Variants in PARD3 observed in about 807,000 individuals in gnomAD.
PARD3 encodes the protein par-3 family cell polarity regulator.
PARD3 carries 75 observed loss-of-function variants against 155.4 expected under a neutral mutation model. The observed-to-expected ratio is 0.48, with a 90% CI of 0.40 to 0.58. The LOEUF (loss-of-function observed/expected upper bound fraction) is 0.58, where lower values mean the gene tolerates loss of function less well. PARD3 is among the 20% of genes least tolerant of loss of function. The pLI is 0.00. For synonymous variants in PARD3, 576 were observed against 610.5 expected (o/e 0.94, Z 0.83); for missense variants, 1,642 against 1,721.7 (o/e 0.95, Z 0.82).
At chr10:34,482,889 C>T (rs373666993) in intron 3 of PARD3, among the ~76,000 whole-genome samples, 8 of 152,054 alleles carry the variant, frequency 5.3e-5, no homozygotes, top group Admixed American at 5.2e-4. Flanking sequence ...TGGCTCACGC[C>T]TGTAATCCCA....
chr10:34,587,306 A>C (rs963546715), intron 2 of PARD3, among the ~76,000 whole-genome samples: 1 of 152,104 alleles, frequency 6.6e-6, no homozygotes, highest in African/African-American at 2.4e-5. Flanking sequence ...TATTTTTAGT[A>C]GAGATGGGGT....
At chr10:34,560,337 C>T (rs2085363537) in intron 2 of PARD3, among the ~76,000 whole-genome samples, 2 of 151,934 alleles carry the variant, frequency 1.3e-5, no homozygotes, top group Admixed American at 6.6e-5. Flanking sequence ...TTCAGAACAC[C>T]GCCGTGCAGA....
At position 34,367,968 on chromosome 10, in the gene PARD3, T is replaced by C. The variant is rs555489034; in HGVS notation, c.1707+4530A>G. On this transcript the variant is annotated intron_variant, in intron 12 of 24. Coordinates refer to ENST00000374788, the MANE Select transcript of PARD3 (RefSeq NM_001184785.2). ...ATTTTGAATTCTTGAAAGTTAAGCA[T>C]GTGGCTGGGCGCAGTGGCTCAAACC... Among the ~76,000 whole-genome samples, 498 of 152,172 alleles carry C rather than the reference T, an allele frequency of 3.3e-3. 1 individual carries two copies. Among genetic ancestry groups the C allele is most frequent in the Middle Eastern group, 6.8e-3 (2 of 294 alleles).
intron 2 of PARD3, among the ~76,000 whole-genome samples, chr10:34,686,752 G>GA (rs982475215): frequency 2.3e-4 from 32 of 138,252 alleles, no homozygotes; most frequent in South Asian, 7.0e-4. Context: ...AAAAAGAAAA[G>GA]AAAAAAAAAA....
chr10:34,504,931 T>G (rs1031439563), intron 3 of PARD3, among the ~76,000 whole-genome samples: 1 of 152,222 alleles, frequency 6.6e-6, no homozygotes, highest in Non-Finnish European at 1.5e-5. Context: ...GAATTGTATC[T>G]GCCAGGCTTT....
intron 12 of PARD3, among the ~76,000 whole-genome samples, chr10:34,361,055 A>C (rs1244300847): frequency 6.6e-6 from 1 of 152,250 alleles, no homozygotes; most frequent in African/African-American, 2.4e-5. Flanking sequence ...TTAAGATGAC[A>C]GCCTATCATT....
rs771669681 is a variant in PARD3 at position 34,516,959 on chromosome 10, A to G, written c.403+20T>C. On this transcript the variant is annotated intron_variant, in intron 3 of 24. Transcript: ENST00000374788. ...TGTAAATTAAGATGAAATGGAAGAG[A>G]AGAAAGAGCTTTCACTTACTTGCTC... The G allele has an allele frequency of 3.7e-6, 6 of 1,607,728 alleles. No individual in the cohort carries two copies. The highest frequency in any genetic ancestry group is 1.7e-4 in the Middle Eastern group (1 of 6,030).
rs144317328 is a variant in PARD3 at position 34,317,196 on chromosome 10, A to G, written c.2976T>C (p.Thr992=). The change falls in exon 20 of 25, where the codon ACT becomes ACC. Residue 992 remains threonine (T), a synonymous_variant. Coordinates refer to ENST00000374788, the MANE Select transcript of PARD3 (RefSeq NM_001184785.2). ...GDKTDRKKDK[T]GKEKKKDRDK... The stretch of plus-strand genomic sequence containing the variant: ...CTCTATCTTTCTTCTTTTCTTTTCC[A>G]GTTTTATCCTTTTTTCTATCAGTCT... The G allele has an allele frequency of 6.4e-4, 1,025 of 1,612,524 alleles. 9 individuals are homozygous for G. The South Asian group carries it at 9.8e-3, about 15-fold the overall frequency.
intron 1 of PARD3, among the ~76,000 whole-genome samples, chr10:34,700,933 C>G (rs1183604758): frequency 6.6e-6 from 1 of 152,110 alleles, no homozygotes; most frequent in Non-Finnish European, 1.5e-5. Flanking sequence ...TGAGATCACA[C>G]CACTGCACTC....
intron 3 of PARD3, among the ~76,000 whole-genome samples, chr10:34,496,811 A>G (rs886193985): frequency 6.6e-6 from 1 of 152,254 alleles, no homozygotes; most frequent in African/African-American, 2.4e-5. Flanking sequence ...AACATTTACA[A>G]AACATTCAGA....
chr10:34,350,641 G>A (rs944909971), intron 14 of PARD3, among the ~76,000 whole-genome samples: 3 of 145,632 alleles, frequency 2.1e-5, no homozygotes, highest in South Asian at 4.4e-4. Flanking sequence ...GGCGGGGGGG[G>A]AGGGGGGGTG....
intron 5 of PARD3, among the ~76,000 whole-genome samples, chr10:34,415,307 G>C (rs1341457432): frequency 6.6e-6 from 1 of 152,110 alleles, no homozygotes; most frequent in South Asian, 2.1e-4. Context: ...ATGCACAGTC[G>C]GCTCAGGGGA....
intron 22 of PARD3, among the ~76,000 whole-genome samples, chr10:34,166,842 T>A (rs1344487418): frequency 3.3e-5 from 5 of 152,232 alleles, no homozygotes; most frequent in South Asian, 2.1e-4. Context: ...GTAAGGTGTG[T>A]TTTTTCCTCC....
At chr10:34,505,105 A>C (rs1460702196) in intron 3 of PARD3, among the ~76,000 whole-genome samples, 2 of 152,208 alleles carry the variant, frequency 1.3e-5, no homozygotes, top group Admixed American at 1.3e-4. Flanking sequence ...AAACACTTTC[A>C]GGCAATTATT....
chr10:34,215,124 T>C (rs1027664028), intron 22 of PARD3, among the ~76,000 whole-genome samples: 5 of 152,212 alleles, frequency 3.3e-5, no homozygotes, highest in African/African-American at 1.2e-4. Flanking sequence ...TAAATACACT[T>C]TAAATACACT....
rs1415892969 is a variant in PARD3 at position 34,471,604 on chromosome 10, G to A, written c.404-1341C>T. 2.6e-5 allele frequency among the ~76,000 whole-genome samples: 4 copies of A among 152,320 alleles called. No individual in the cohort carries two copies. The East Asian group carries it at 7.7e-4, about 29-fold the overall frequency. ...GAGTCTGGCTCTGTCACCCAGGCTG[G>A]AATGCAGTGGCACAATCTCGGCTCA... On this transcript the variant is annotated intron_variant, in intron 3 of 24. Transcript: ENST00000374788.
At chr10:34,360,037 T>C (rs1007232732) in intron 13 of PARD3, 34 bp downstream of exon 13, 3 of 1,535,332 alleles carry the variant, frequency 2.0e-6, no homozygotes, top group Non-Finnish European at 2.7e-6. Context: ...AAATTTTTGT[T>C]AATAGGCATA....
intron 22 of PARD3, among the ~76,000 whole-genome samples, chr10:34,212,822 GGCCTT>G (rs1951820180): frequency 1.3e-5 from 2 of 152,144 alleles, no homozygotes; most frequent in Non-Finnish European, 2.9e-5. Context: ...CCAGTTCAGA[GGCCTT>G]GCAAACATCC....
chr10:34,139,404 A>G (rs1948066181), intron 22 of PARD3, among the ~76,000 whole-genome samples: 1 of 152,204 alleles, frequency 6.6e-6, no homozygotes, highest in Non-Finnish European at 1.5e-5. Flanking sequence ...GCCCATTAGT[A>G]AAAAACCCAC....
Sources: allele counts gnomAD v4.1 joint callset (sites outside exome capture counted in the v4.1 genomes callset), GRCh38; gene constraint gnomAD v4.1.1; transcripts MANE v1.5; gene names NCBI Gene and HGNC (gene_info 2026-07-23, HGNC 2026-07-21).